Variants in DLGAP1 observed in about 807,000 individuals in gnomAD.
DLGAP1 encodes DLG associated protein 1.
DLGAP1 carries 11 observed loss-of-function variants against 90.8 expected under a neutral mutation model. That is an observed-to-expected ratio of 0.12 (90% confidence interval 0.08 to 0.20). The LOEUF is 0.20. Among genes scored for constraint, DLGAP1 ranks in the 10% least tolerant of loss-of-function variants. The pLI, the probability that DLGAP1 is intolerant of heterozygous loss-of-function variation, is 1.00. For missense variants in DLGAP1, 1,050 were observed against 1,333.8 expected (o/e 0.79, Z 3.31); for synonymous variants, 558 against 540.7 (o/e 1.03, Z -0.44).
At position 3,879,198 on chromosome 18, in the gene DLGAP1, C is replaced by A. The variant is rs752680302; in HGVS notation, c.871G>T (p.Val291Phe). ...ATGTTCACCGAGGCCTTCTGGTAAA[C>A]CTCCCGGGCCCGGCTCACGGTGAGC... ...STLTVSRARE[V>F]YQKASVNMDQ... Residue 291 changes from valine to phenylalanine, a missense_variant, in exon 4 of 13, where the codon GTT (valine) becomes TTT (phenylalanine). This residue lies in a region of DLGAP1 where 485 missense variants were observed against 454.1 expected (regional missense o/e 1.07). Coordinates refer to ENST00000315677, the MANE Select transcript of DLGAP1 (RefSeq NM_004746.4). The surrounding 1 kb of genome is among the most constrained non-coding windows in gnomAD (Gnocchi z 6.6). 3.2e-6 allele frequency: 5 copies of A among 1,543,534 alleles called. No individual in the cohort carries two copies. The African/African-American group carries it at 4.1e-5, about 13-fold the overall frequency.
At chr18:3,870,624 C>CTA (rs2070692075) in intron 4 of DLGAP1, among the ~76,000 whole-genome samples, 1 of 120,024 alleles carries the variant, frequency 8.3e-6, no homozygotes, top group Non-Finnish European at 2.1e-5. Context: ...ATCTATCTAT[C>CTA]TATCTATCTA....
At chr18:3,713,096 A>G (rs1004449384) in intron 7 of DLGAP1, among the ~76,000 whole-genome samples, 3 of 152,184 alleles carry the variant, frequency 2.0e-5, no homozygotes, top group Non-Finnish European at 4.4e-5. Context: ...TGGGAGATCT[A>G]TATACACAGG....
At chr18:3,752,204 T>G (rs985064494) in intron 5 of DLGAP1, among the ~76,000 whole-genome samples, 1 of 152,172 alleles carries the variant, frequency 6.6e-6, no homozygotes, top group African/African-American at 2.4e-5. Context: ...TATTGTGATA[T>G]AATTTATACA....
At chr18:4,080,892 T>C (rs1168357063) in intron 2 of DLGAP1, among the ~76,000 whole-genome samples, 65 of 50,626 alleles carry the variant, frequency 1.3e-3, no homozygotes, top group South Asian at 2.3e-3. Flanking sequence ...TGAATGCCCT[T>C]TTTTTTTTTT....
intron 1 of DLGAP1, among the ~76,000 whole-genome samples, chr18:4,178,935 A>T (rs6506188): frequency 0.82 from 125,044 of 152,138 alleles, 52,166 homozygotes; most frequent in East Asian, 1. Flanking sequence ...GAAATAGAAC[A>T]TTATTCATAA....
At chr18:4,262,154 T>C (rs2079016196) in intron 1 of DLGAP1, among the ~76,000 whole-genome samples, 1 of 152,236 alleles carries the variant, frequency 6.6e-6, no homozygotes, top group Non-Finnish European at 1.5e-5. Context: ...TCCATAGCCA[T>C]GTAGTTCTAC....
chr18:4,285,653 C>G (rs568844313), intron 1 of DLGAP1, among the ~76,000 whole-genome samples: 23 of 152,244 alleles, frequency 1.5e-4, no homozygotes, highest in African/African-American at 5.3e-4. Flanking sequence ...AGATTATAGA[C>G]AAAGGGAAAT....
intron 1 of DLGAP1, among the ~76,000 whole-genome samples, chr18:4,263,676 A>G (rs2079047918): frequency 6.6e-6 from 1 of 152,212 alleles, no homozygotes; most frequent in Non-Finnish European, 1.5e-5. Context: ...ATTTAAAAGA[A>G]AAATAAATGG....
intron 1 of DLGAP1, among the ~76,000 whole-genome samples, chr18:4,282,679 C>T (rs2079582598): frequency 6.6e-6 from 1 of 152,116 alleles, no homozygotes; most frequent in Admixed American, 6.6e-5. Flanking sequence ...TATCTGTTGA[C>T]AAAACCTTGC....
At chr18:3,870,089 T>C (rs2070650901) in intron 4 of DLGAP1, among the ~76,000 whole-genome samples, 2 of 152,184 alleles carry the variant, frequency 1.3e-5, no homozygotes, top group African/African-American at 4.8e-5. Flanking sequence ...AATGAGAAAT[T>C]AAGCCTTACA....
intron 7 of DLGAP1, among the ~76,000 whole-genome samples, chr18:3,582,569 A>G (rs1322658239): frequency 2.0e-5 from 3 of 152,190 alleles, no homozygotes; most frequent in Non-Finnish European, 4.4e-5. Flanking sequence ...CCAGCCAACA[A>G]ATTGTATAGG....
At chr18:4,217,971 C>A (rs1258670099) in intron 1 of DLGAP1, among the ~76,000 whole-genome samples, 1 of 151,914 alleles carries the variant, frequency 6.6e-6, no homozygotes, top group East Asian at 1.9e-4. Flanking sequence ...GGTATTATAT[C>A]TAAACACATT....
intron 2 of DLGAP1, among the ~76,000 whole-genome samples, chr18:4,044,963 C>T (rs1283514500): frequency 6.6e-6 from 1 of 152,088 alleles, no homozygotes; most frequent in Non-Finnish European, 1.5e-5. Context: ...ACCACCTCCT[C>T]TTCCCATAGA....
intron 2 of DLGAP1, among the ~76,000 whole-genome samples, chr18:4,131,620 G>A (rs1205430490): frequency 6.6e-6 from 1 of 152,108 alleles, no homozygotes; most frequent in African/African-American, 2.4e-5. Context: ...TGCTTTAGAG[G>A]ACTAGAGGAC....
At chr18:4,114,215 A>G (rs2076023442) in intron 2 of DLGAP1, among the ~76,000 whole-genome samples, 1 of 151,900 alleles carries the variant, frequency 6.6e-6, no homozygotes, top group Non-Finnish European at 1.5e-5. Flanking sequence ...AATGATATTG[A>G]TACTTCCAAT....
chr18:4,265,148 CA>C, intron 1 of DLGAP1, among the ~76,000 whole-genome samples: 1 of 132,028 alleles, frequency 7.6e-6, no homozygotes, highest in Admixed American at 7.8e-5. Flanking sequence ...CCCTCCCTCC[CA>C]TCCTCTCTTC....
chr18:4,216,939 A>G (rs950690634), intron 1 of DLGAP1, among the ~76,000 whole-genome samples: 1 of 152,114 alleles, frequency 6.6e-6, no homozygotes, highest in African/African-American at 2.4e-5. Flanking sequence ...GTACAGTTCA[A>G]GGAATTTTGA....
intron 1 of DLGAP1, among the ~76,000 whole-genome samples, chr18:4,250,434 G>C (rs762449438): frequency 1.3e-5 from 2 of 152,194 alleles, no homozygotes; most frequent in Non-Finnish European, 2.9e-5. Flanking sequence ...CTGTACCTGA[G>C]AAAGTCCTGA....
intron 12 of DLGAP1, among the ~76,000 whole-genome samples, chr18:3,500,998 C>G (rs976655233): frequency 1.3e-5 from 2 of 152,092 alleles, no homozygotes; most frequent in African/African-American, 4.8e-5. Context: ...ACTGCAGACT[C>G]AAACTCTCCG....
Sources: allele counts gnomAD v4.1 joint callset (sites outside exome capture counted in the v4.1 genomes callset), GRCh38; gene constraint gnomAD v4.1.1; regional missense constraint gnomAD v4.1.1; non-coding constraint Gnocchi (gnomAD v3.1); transcripts MANE v1.5; gene names NCBI Gene and HGNC (gene_info 2026-07-23, HGNC 2026-07-21).